The following HYDIN variants were observed in gnomAD, a reference collection of about 807,000 sequenced individuals.
HYDIN encodes the protein axonemal central pair apparatus protein HYDIN.
HYDIN carries 132 observed loss-of-function variants against 403.9 expected under a neutral mutation model. The observed-to-expected ratio is 0.33, with a 90% confidence interval of 0.28 to 0.38. HYDIN has a LOEUF of 0.38. Among genes scored for constraint, HYDIN ranks in the 10% least tolerant of loss-of-function variants. HYDIN has a pLI of 1.00. For missense variants in HYDIN, 2,827 were observed against 5,009.5 expected (o/e 0.56, Z 13.15); for synonymous variants, 1,202 against 1,891.7 (o/e 0.64, Z 9.46).
At chr16:71,173,579 T>C (rs1407429359) in intron 5 of HYDIN, among the ~76,000 whole-genome samples, 1 of 152,230 alleles carries the variant, frequency 6.6e-6, no homozygotes, top group African/African-American at 2.4e-5. Flanking sequence ...CAGACTAGCA[T>C]GACAAACCCC....
intron 1 of HYDIN, 60 bp from the exon 2 acceptor site, chr16:71,186,978 A>T: frequency 9.0e-7 from 1 of 1,112,978 alleles, no homozygotes; most frequent in Non-Finnish European, 1.3e-6. Flanking sequence ...TACAGGTCAT[A>T]ATTTTTTTTA....
In HYDIN at chr16:70,863,186, C is replaced by T; in HGVS notation, c.11472-4G>A. 6.2e-7 allele frequency: 1 copy of T among 1,612,178 alleles called. No individual in the cohort carries two copies. The highest frequency in any genetic ancestry group is 8.5e-7 in the Non-Finnish European group (1 of 1,179,246). ...TCCTGAATTAATCACATCGAACCTG[C>T]AAATCGATCAGGGAGCAGATTTGAG... is the stretch of plus-strand genomic sequence containing the variant. On this transcript the variant is annotated splice_region_variant and splice_polypyrimidine_tract_variant and intron_variant, in intron 67 of 85. Transcript: ENST00000393567.
chr16:71,134,282 T>C (rs1989998), intron 8 of HYDIN, among the ~76,000 whole-genome samples: 10,843 of 125,028 alleles, frequency 0.087, 1,330 homozygotes, highest in African/African-American at 0.29. Flanking sequence ...TGCTTTAAGC[T>C]ATGTTAAAAT....
At chr16:71,002,108 G>C (rs2079735695) in intron 23 of HYDIN, among the ~76,000 whole-genome samples, 1 of 152,180 alleles carries the variant, frequency 6.6e-6, no homozygotes, top group Non-Finnish European at 1.5e-5. Flanking sequence ...TCATCTGCAG[G>C]TGGTTTGTAT....
rs2035042328 is a variant in HYDIN, at chr16:70,804,914, C to T, written c.*2666G>A. On this transcript the variant is annotated 3_prime_UTR_variant, in exon 86 of 86. Coordinates refer to ENST00000393567, the MANE Select transcript of HYDIN (RefSeq NM_001270974.2). ...CTGAAGTTGGGGGAGTTGCCCCTAG[C>T]CACCCCAAGGCTGGCTATAAGCCAT... is the stretch of plus-strand genomic sequence containing the variant. Among the ~76,000 whole-genome samples the T allele has an allele frequency of 6.6e-6, 1 of 152,232 alleles. No homozygotes were observed. Among genetic ancestry groups the T allele is most frequent in the Admixed American group, 6.5e-5 (1 of 15,290 alleles).
chr16:70,944,269 C>T (rs75939407), intron 41 of HYDIN, among the ~76,000 whole-genome samples: 3,737 of 152,090 alleles, frequency 0.025, no homozygotes, highest in African/African-American at 0.084. Context: ...AACAATGGCG[C>T]TGCCCCCAGG....
At chr16:71,226,914 A>G (rs780784972) in intron 1 of HYDIN, among the ~76,000 whole-genome samples, 3 of 152,106 alleles carry the variant, frequency 2.0e-5, no homozygotes, top group Non-Finnish European at 4.4e-5. Flanking sequence ...AGACAATTTG[A>G]GACTATCTCC....
chr16:70,892,256 T>C, intron 56 of HYDIN, 105 bp downstream of exon 56: 2 of 1,437,352 alleles, frequency 1.4e-6, no homozygotes. Context: ...AGGCCAGCCC[T>C]CCCCTTTTCT....
At chr16:70,942,141 C>T (rs2143884114) in intron 42 of HYDIN, among the ~76,000 whole-genome samples, 1 of 150,178 alleles carries the variant, frequency 6.7e-6, no homozygotes. Flanking sequence ...TCTCCTGCCT[C>T]AGCCTCCCAA....
At chr16:71,154,262 T>A (rs7499376) in intron 6 of HYDIN, among the ~76,000 whole-genome samples, 2 of 151,878 alleles carry the variant, frequency 1.3e-5, no homozygotes, top group South Asian at 2.1e-4. Context: ...TTTTAAGTTT[T>A]AAAAAAAAAT....
intron 18 of HYDIN, among the ~76,000 whole-genome samples, chr16:71,038,413 CA>C (rs1203710112): frequency 6.6e-6 from 1 of 152,064 alleles, no homozygotes; most frequent in Non-Finnish European, 1.5e-5. Context: ...GTCACCGCAA[CA>C]ATCACCGGGA....
chr16:70,820,505 C>T (rs1289169243), intron 83 of HYDIN, among the ~76,000 whole-genome samples: 1 of 150,916 alleles, frequency 6.6e-6, no homozygotes, highest in Non-Finnish European at 1.5e-5. Flanking sequence ...ATGTTTGGCC[C>T]GAAGTCTGCT....
chr16:70,850,540 A>G lies in HYDIN; in HGVS notation c.12559T>C (p.Tyr4187His), dbSNP rs1452616059. Residue 4187 changes from tyrosine (Y) to histidine (H), a missense_variant, in exon 74 of 86, where the codon TAC becomes CAC. By Grantham distance (83) the Tyr-to-His change is moderately conservative. Transcript: ENST00000393567. ...PVTLNVKAEG[Y>H]TMNVEIKCKD... is the part of the protein sequence containing the mutation. Reference sequence around the variant, plus strand: ...CACTTGATCTCCACATTCATAGTGTAGCCCTCGGCCTTGACATTTAATGTC... The same window carrying G: ...CACTTGATCTCCACATTCATAGTGTGGCCCTCGGCCTTGACATTTAATGTC... The G allele has an allele frequency of 3.1e-6, 5 of 1,611,020 alleles. No individual in the cohort carries two copies. Among genetic ancestry groups the G allele is most frequent in the Non-Finnish European group, 2.5e-6 (3 of 1,178,670 alleles).
chr16:70,884,097 C>T lies in HYDIN; in HGVS notation c.9802G>A (p.Val3268Met), dbSNP rs376372112. 49 of 1,603,958 alleles carry T rather than the reference C, an allele frequency of 3.1e-5. No homozygotes were observed. In the African/African-American group the frequency reaches 4.3e-4, roughly 14 times the overall value. Reference protein sequence around the residue: ...QARFAHGMFTVYPGFGSIPSG... With the variant: ...QARFAHGMFTMYPGFGSIPSG... ...GGAATGGAGCCAAACCCAGGGTACA[C>T]GGTGAACATGCCATGGGCGAAGCGG... Residue 3268 changes from valine to methionine, a missense_variant, in exon 59 of 86, where the codon GTG becomes ATG. By Grantham distance (21) the Val-to-Met change is conservative. Transcript: ENST00000393567.
chr16:71,115,880 A>T, intron 9 of HYDIN, 85 bp from the exon 10 acceptor site: 1 of 857,976 alleles, frequency 1.2e-6, no homozygotes, highest in Non-Finnish European at 1.9e-6. Context: ...AAACTCCAAT[A>T]AATTTTTTTT....
At chr16:71,229,710 T>A (rs1263983810) in intron 1 of HYDIN, among the ~76,000 whole-genome samples, 1 of 152,224 alleles carries the variant, frequency 6.6e-6, no homozygotes. Flanking sequence ...AGAAAACAGA[T>A]CATTTCATTA....
Position 71,064,737 on chromosome 16 carries a change from C to T in HYDIN, c.2179G>A (p.Asp727Asn), listed in dbSNP as rs1471170679. Residue 727 changes from aspartate (D) to asparagine (N), a missense_variant, in exon 16 of 86, where the codon GAC becomes AAC. By Grantham distance (23) the Asp-to-Asn change is conservative. Transcript: ENST00000393567. The part of the protein sequence containing the change: ...EKTLQLANQD[D>N]LPGFYEVQPQ... Reference sequence around the variant, plus strand: ...TGGACCTCATAGAATCCTGGGAGGTCATCTTGATTGGCAAGCTGGAGTGTT... The same window carrying T: ...TGGACCTCATAGAATCCTGGGAGGTTATCTTGATTGGCAAGCTGGAGTGTT... 6.2e-7 allele frequency: 1 copy of T among 1,613,892 alleles called. No individual in the cohort carries two copies. Among genetic ancestry groups the T allele is most frequent in the African/African-American group, 1.3e-5 (1 of 74,888 alleles).
At position 70,866,177 on chromosome 16, in the gene HYDIN, T is replaced by C. The variant is rs374073980; in HGVS notation, c.11463A>G (p.Arg3821=). 1.3e-6 allele frequency: 2 copies of C among 1,599,298 alleles called. No homozygotes were observed. The highest frequency in any genetic ancestry group is 1.7e-6 in the Non-Finnish European group (2 of 1,173,052). The change falls in exon 67 of 86, where the codon CGA becomes CGG. Residue 3821 remains arginine (R), a synonymous_variant. Coordinates refer to ENST00000393567, the MANE Select transcript of HYDIN (RefSeq NM_001270974.2). ...RFKETLVYQT[R]VFEFDVINSG... ...GACTTTTGATGACTCACTCAAACAC[T>C]CGGGTCTGGTAAACCAAGGTTTCCT... is the stretch of plus-strand genomic sequence containing the variant.
At position 70,961,891 on chromosome 16, in the gene HYDIN, T is replaced by C. The variant is rs7191036; in HGVS notation, c.5968+68A>G. The C allele has an allele frequency of 6.3e-3, 6,245 of 997,400 alleles. 273 individuals carry two copies. In the African/African-American group the frequency reaches 0.1, roughly 16 times the overall value. 61.8% of individuals were successfully genotyped at this position (997,400 alleles called of 1,614,324 possible). A position where few individuals can be genotyped will look rare whatever the true frequency, so the allele number is the denominator to read the frequency against. ...AGGAGGCTTAGAGAAAGTGACAAGG[T>C]ACTGAATATTGTCTTCCTATTTCTG... On this transcript the variant is annotated intron_variant, in intron 38 of 85. Coordinates refer to ENST00000393567, the MANE Select transcript of HYDIN (RefSeq NM_001270974.2).
Sources: allele counts gnomAD v4.1 joint callset (sites outside exome capture counted in the v4.1 genomes callset), GRCh38; gene constraint gnomAD v4.1.1; transcripts MANE v1.5; gene names NCBI Gene and HGNC (gene_info 2026-07-23, HGNC 2026-07-21).